The following MYLIP variants were observed in gnomAD, a reference collection of about 807,000 sequenced individuals.
MYLIP encodes the protein myosin regulatory light chain interacting protein.
In MYLIP, 26 loss-of-function variants were observed where a neutral mutation model predicts 45.8. The observed-to-expected ratio is 0.57, with a 90% CI of 0.42 to 0.79. The LOEUF (loss-of-function observed/expected upper bound fraction) is 0.79. MYLIP is among the 30% of genes least tolerant of loss of function. MYLIP has a pLI of 0.00. For missense variants in MYLIP, 494 were observed against 555.6 expected, an observed-to-expected ratio of 0.89 and a Z score of 1.11; for synonymous variants, 213 against 218.1, an observed-to-expected ratio of 0.98 and a Z score of 0.21.
intron 2 of MYLIP, among the ~76,000 whole-genome samples, chr6:16,135,754 T>TATATA (rs1759539297): frequency 9.6e-6 from 1 of 103,936 alleles, no homozygotes; most frequent in Non-Finnish European, 1.9e-5. Context: ...TATACATATA[T>TATATA]CTATATATAT....
Position 16,143,098 on chromosome 6 carries a change from A to T in MYLIP, c.543A>T (p.Ala181=). ...AEYQVLQIVS[A]MENYGIEWHS... is the part of the protein sequence containing the mutation. Reference sequence around the variant, plus strand: ...ACCAAGTTTTGCAGATTGTGTCGGCAATGGAAAACTATGGCATAGAATGGC... The same window carrying T: ...ACCAAGTTTTGCAGATTGTGTCGGCTATGGAAAACTATGGCATAGAATGGC... The change falls in exon 4 of 7, where the codon GCA becomes GCT. Residue 181 remains alanine, a synonymous_variant. Transcript: ENST00000356840. The T allele has an allele frequency of 6.2e-7, 1 of 1,614,222 alleles. No individual in the cohort carries two copies. The highest frequency in any genetic ancestry group is 8.5e-7 in the Non-Finnish European group (1 of 1,180,044).
chr6:16,142,651 C>G (rs1759696921), intron 3 of MYLIP, among the ~76,000 whole-genome samples: 1 of 152,198 alleles, frequency 6.6e-6, no homozygotes, highest in African/African-American at 2.4e-5. Context: ...TGGCCTACCT[C>G]CTTCCCTGGC....
intron 2 of MYLIP, among the ~76,000 whole-genome samples, chr6:16,132,234 C>T (rs1759472660): frequency 1.3e-5 from 2 of 152,138 alleles, no homozygotes; most frequent in South Asian, 4.1e-4. Context: ...TAGCATAATA[C>T]ATTTGTTTTA....
the MYLIP span, among the ~76,000 whole-genome samples, chr6:16,156,566 A>C: frequency 3.9e-5 from 6 of 152,314 alleles, no homozygotes; most frequent in East Asian, 7.7e-4. Flanking sequence ...TTATGGAGGA[A>C]ATCAATTACA....
intron 2 of MYLIP, among the ~76,000 whole-genome samples, chr6:16,132,387 C>T (rs567726820): frequency 6.6e-6 from 1 of 152,244 alleles, no homozygotes; most frequent in African/African-American, 2.4e-5. Context: ...AATCAAATTT[C>T]CTGTCTTGGT....
chr6:16,156,679 A>G, the MYLIP span, among the ~76,000 whole-genome samples: 1 of 152,230 alleles, frequency 6.6e-6, no homozygotes. Context: ...TAGAACTTGA[A>G]TATCCGTGGC....
intron 2 of MYLIP, among the ~76,000 whole-genome samples, chr6:16,134,877 C>A (rs918449457): frequency 6.6e-6 from 1 of 152,048 alleles, no homozygotes; most frequent in South Asian, 2.1e-4. Context: ...GTCTGGGTAT[C>A]TTTAGGCCCT....
At chr6:16,152,779 C>T (rs1759893103), downstream of MYLIP, among the ~76,000 whole-genome samples, 1 of 152,104 alleles carries the variant, frequency 6.6e-6, no homozygotes, top group Non-Finnish European at 1.5e-5. Flanking sequence ...AGGAAGGTTG[C>T]ATTGGAGAGG....
chr6:16,129,364 G>A lies in MYLIP; in HGVS notation c.42G>A (p.Glu14=), dbSNP rs1308923262. 2 of 1,593,668 alleles carry A rather than the reference G, an allele frequency of 1.3e-6. No individual in the cohort carries two copies. Among genetic ancestry groups the A allele is most frequent in the African/African-American group, 1.3e-5 (1 of 74,580 alleles). The change falls in exon 1 of 7, where the codon GAG becomes GAA. Residue 14 remains glutamate, a synonymous_variant. Transcript: ENST00000356840. This position sits in a 1 kb window ranked among gnomAD's most constrained non-coding sequence, Gnocchi z 5.1. ...YVTRPDAVLM[E]VEVEAKANGE... ...CGAGGCCGGACGCGGTGCTGATGGA[G>A]GTGGAGGTGGAGGCGAAAGCCAACG...
intron 5 of MYLIP, among the ~76,000 whole-genome samples, chr6:16,144,371 C>T (rs191135165): frequency 1.4e-4 from 22 of 152,276 alleles, no homozygotes; most frequent in African/African-American, 3.6e-4. Flanking sequence ...TATCCTGAGT[C>T]GTCACTGTGT....
the MYLIP span, among the ~76,000 whole-genome samples, chr6:16,154,809 A>G: frequency 6.6e-6 from 1 of 152,108 alleles, no homozygotes; most frequent in Non-Finnish European, 1.5e-5. Context: ...CCCCCTTTGC[A>G]CAGCCCCATC....
At chr6:16,152,904 G>A (rs1011486937), downstream of MYLIP, among the ~76,000 whole-genome samples, 2 of 152,140 alleles carry the variant, frequency 1.3e-5, no homozygotes, top group Admixed American at 1.3e-4. Context: ...TGAAATACAG[G>A]GTATGTGGTT....
At chr6:16,132,513 G>A (rs1341192840) in intron 2 of MYLIP, among the ~76,000 whole-genome samples, 2 of 152,138 alleles carry the variant, frequency 1.3e-5, no homozygotes, top group South Asian at 2.1e-4. Flanking sequence ...TTTTGAAATT[G>A]TATGGAAAAG....
chr6:16,139,169 G>A (rs756428899), intron 2 of MYLIP, among the ~76,000 whole-genome samples: 3 of 152,186 alleles, frequency 2.0e-5, no homozygotes, highest in Non-Finnish European at 2.9e-5. Flanking sequence ...TTGGGAGGCC[G>A]AGGCAGGCAG....
Position 16,146,928 on chromosome 6 carries a change from G to C in MYLIP, c.*177G>C, listed in dbSNP as rs1759804943. ...CTCCTCACTGCAAAAACATATCCAT[G>C]CGTAGAATCAACAACTCCAGTCATG... On this transcript the variant is annotated 3_prime_UTR_variant, in exon 7 of 7. Transcript: ENST00000356840. 1.9e-6 allele frequency: 1 copy of C among 531,564 alleles called. No individual in the cohort carries two copies. Among genetic ancestry groups the C allele is most frequent in the Non-Finnish European group, 3.3e-6 (1 of 299,598 alleles). 32.9% of individuals were successfully genotyped at this position (531,564 alleles called of 1,614,324 possible).
chr6:16,138,618 A>G (rs1323125548), intron 2 of MYLIP, among the ~76,000 whole-genome samples: 1 of 152,166 alleles, frequency 6.6e-6, no homozygotes, highest in African/African-American at 2.4e-5. Context: ...ATGTCCCTTT[A>G]TTGTAAAAGG....
At chr6:16,149,891 G>A (rs1000479330), downstream of MYLIP, among the ~76,000 whole-genome samples, 1 of 152,162 alleles carries the variant, frequency 6.6e-6, no homozygotes, top group Non-Finnish European at 1.5e-5. Context: ...ACAAAAAAGG[G>A]AGCAAGTCCT....
chr6:16,145,373 C>T (rs976337921), intron 6 of MYLIP, 56 bp downstream of exon 6: 54 of 1,519,340 alleles, frequency 3.6e-5, no homozygotes, highest in African/African-American at 2.2e-4. Context: ...CTCCTCTTAA[C>T]GGGGAGTAGG....
At chr6:16,163,298 T>C in the MYLIP span, 1 of 152,180 alleles carries the variant, frequency 6.6e-6, no homozygotes, top group African/African-American at 2.4e-5. Flanking sequence ...TCCTGTAGGG[T>C]TGTATCCAAC....
Sources: allele counts gnomAD v4.1 joint callset (sites outside exome capture counted in the v4.1 genomes callset), GRCh38; gene constraint gnomAD v4.1.1; non-coding constraint Gnocchi (gnomAD v3.1); transcripts MANE v1.5; gene names NCBI Gene and HGNC (gene_info 2026-07-23, HGNC 2026-07-21).